ADAMTS9: variants seen among roughly 807,000 people sequenced by gnomAD.
The protein encoded by ADAMTS9 is ADAM metallopeptidase with thrombospondin type 1 motif 9.
A neutral mutation model predicts 257.1 loss-of-function variants in ADAMTS9; 107 were observed. That is an observed-to-expected ratio of 0.42 (90% CI 0.36 to 0.49). ADAMTS9 has a LOEUF of 0.49. Ranked by LOEUF, ADAMTS9 falls within the 20% of genes least tolerant of loss-of-function variation. The pLI is 0.03. For missense variants in ADAMTS9, 2,353 were observed against 2,469.1 expected, an observed-to-expected ratio of 0.95 and a Z score of 1.00; for synonymous variants, 982 against 880.9, an observed-to-expected ratio of 1.11 and a Z score of -2.03.
At chr3:64,541,054 G>T (rs372161799) in intron 36 of ADAMTS9, 41 bp downstream of exon 36, 1 of 1,609,936 alleles carries the variant, frequency 6.2e-7, no homozygotes, top group Non-Finnish European at 8.5e-7. Context: ...TGAATGGAGA[G>T]AAGAACGCAC....
intron 3 of ADAMTS9, among the ~76,000 whole-genome samples, chr3:64,665,970 G>A (rs984425200): frequency 1.3e-5 from 2 of 152,044 alleles, no homozygotes; most frequent in African/African-American, 4.8e-5. Flanking sequence ...GTGGAACATC[G>A]ATTTTGTGCC....
At chr3:64,571,637 G>C (rs1210124005) in intron 28 of ADAMTS9, among the ~76,000 whole-genome samples, 1 of 152,132 alleles carries the variant, frequency 6.6e-6, no homozygotes, top group Admixed American at 6.5e-5. Context: ...TGCAGCACTT[G>C]CCATACTTAT....
chr3:64,615,561 T>A (rs1355698131), intron 20 of ADAMTS9, 76 bp from the exon 21 acceptor site: 6 of 1,434,248 alleles, frequency 4.2e-6, no homozygotes, highest in African/African-American at 1.4e-5. Context: ...GGCTATGTTG[T>A]CTCTTCCAGC....
intron 19 of ADAMTS9, among the ~76,000 whole-genome samples, chr3:64,616,864 C>G (rs1300512669): frequency 6.6e-6 from 1 of 152,206 alleles, no homozygotes; most frequent in Non-Finnish European, 1.5e-5. Context: ...TGACTGTTCA[C>G]TCATCACTGC....
intron 23 of ADAMTS9, among the ~76,000 whole-genome samples, chr3:64,605,982 C>A (rs1264493665): frequency 1.3e-5 from 2 of 152,104 alleles, no homozygotes; most frequent in Non-Finnish European, 2.9e-5. Context: ...CTGTTGCCCA[C>A]CTATGTTTGT....
At chr3:64,558,341 ATAC>A (rs2083369376) in intron 30 of ADAMTS9, among the ~76,000 whole-genome samples, 2 of 152,298 alleles carry the variant, frequency 1.3e-5, no homozygotes, top group South Asian at 4.1e-4. Flanking sequence ...AAAAATATAA[ATAC>A]TACATCAGAG....
chr3:64,569,825 A>G (rs2083635561), intron 28 of ADAMTS9, among the ~76,000 whole-genome samples: 1 of 152,170 alleles, frequency 6.6e-6, no homozygotes, highest in African/African-American at 2.4e-5. Flanking sequence ...GAATATTATG[A>G]TTTGGAGTAG....
intron 12 of ADAMTS9, among the ~76,000 whole-genome samples, chr3:64,637,800 G>A (rs957949216): frequency 1.3e-5 from 2 of 152,190 alleles, no homozygotes; most frequent in Non-Finnish European, 2.9e-5. Context: ...AGATTAGATG[G>A]GATGGGGTGG....
intron 37 of ADAMTS9, among the ~76,000 whole-genome samples, chr3:64,533,900 C>A (rs1165679243): frequency 6.6e-6 from 1 of 152,184 alleles, no homozygotes; most frequent in Non-Finnish European, 1.5e-5. Context: ...TCCGAGGGTG[C>A]CTTTCAGAAC....
intron 4 of ADAMTS9, 86 bp from the exon 5 acceptor site, chr3:64,655,961 T>C: frequency 2.6e-6 from 2 of 762,992 alleles, no homozygotes; most frequent in Non-Finnish European, 2.1e-6. Flanking sequence ...GCTCCACCTC[T>C]TTTTTACGTT....
At chr3:64,682,792 G>A (rs931436560) in intron 2 of ADAMTS9, among the ~76,000 whole-genome samples, 2 of 152,226 alleles carry the variant, frequency 1.3e-5, no homozygotes, top group Admixed American at 1.3e-4. Flanking sequence ...AAATGTTAAT[G>A]AGCTCCCAGG....
At chr3:64,680,943 G>C (rs1434512638) in intron 3 of ADAMTS9, among the ~76,000 whole-genome samples, 1 of 152,176 alleles carries the variant, frequency 6.6e-6, no homozygotes, top group East Asian at 1.9e-4. Context: ...TCTTCCCATA[G>C]AGGGCATGGA....
Position 64,654,376 on chromosome 3 carries a change from C to G in ADAMTS9, c.1293G>C (p.Thr431=), listed in dbSNP as rs752019001. The G allele has an allele frequency of 1.2e-6, 2 of 1,613,860 alleles. No homozygotes were observed. The highest frequency in any genetic ancestry group is 1.7e-6 in the Non-Finnish European group (2 of 1,179,894). Residue 431 remains threonine, a synonymous_variant, in exon 8 of 40, where the codon ACG becomes ACC. Transcript: ENST00000498707. ...ACACATGGCCCAGCTCATGGGCGAT[C>G]GTAAAAGCTGTACTCAATCCACTAT... ...SEDSGLSTAF[T]IAHELGHVFN...
At chr3:64,676,530 A>G (rs1026758353) in intron 3 of ADAMTS9, among the ~76,000 whole-genome samples, 2 of 151,892 alleles carry the variant, frequency 1.3e-5, no homozygotes, top group African/African-American at 4.8e-5. Flanking sequence ...TTAAAAAAAA[A>G]TAATATCCTA....
intron 28 of ADAMTS9, among the ~76,000 whole-genome samples, chr3:64,576,367 C>G (rs1313459244): frequency 6.6e-6 from 1 of 152,192 alleles, no homozygotes; most frequent in African/African-American, 2.4e-5. Context: ...CCCTGCTCTG[C>G]TGTGAGAGTT....
chr3:64,561,537 C>A (rs767826229), intron 30 of ADAMTS9, 41 bp downstream of exon 30: 30 of 1,588,028 alleles, frequency 1.9e-5, no homozygotes, highest in Non-Finnish European at 2.4e-5. Context: ...GGGGCGCACA[C>A]GTGAAATGCC....
chr3:64,621,780 A>AAAAATAAT (rs1249111538), intron 18 of ADAMTS9, among the ~76,000 whole-genome samples: 1 of 134,026 alleles, frequency 7.5e-6, no homozygotes, highest in African/African-American at 3.3e-5. Flanking sequence ...AAAAAAATAA[A>AAAAATAAT]AAAATAAAAA....
chr3:64,594,118 T>A, intron 28 of ADAMTS9, 140 bp downstream of exon 28: 2 of 885,652 alleles, frequency 2.3e-6, no homozygotes, highest in Non-Finnish European at 3.4e-6. Context: ...TGTGCCAATA[T>A]GGAGAAAATA....
chr3:64,634,001 A>G, intron 12 of ADAMTS9, 122 bp from the exon 13 acceptor site: 2 of 881,018 alleles, frequency 2.3e-6, no homozygotes, highest in Admixed American at 5.2e-5. Context: ...CAAATGACAG[A>G]GGAATGGGCA....
Sources: allele counts gnomAD v4.1 joint callset (sites outside exome capture counted in the v4.1 genomes callset), GRCh38; gene constraint gnomAD v4.1.1; transcripts MANE v1.5; gene names NCBI Gene and HGNC (gene_info 2026-07-23, HGNC 2026-07-21).